The following VPS13C variants were observed in gnomAD, a reference collection of about 807,000 sequenced individuals.
VPS13C encodes the protein vacuolar protein sorting 13 homolog C.
A neutral mutation model predicts 456.8 loss-of-function variants in VPS13C; 358 were observed. The ratio of observed to expected loss-of-function variants is 0.78; its 90% CI spans 0.72 to 0.86. The LOEUF is 0.86. VPS13C is among the 40% of genes least tolerant of loss of function. VPS13C has a pLI of 0.00. For synonymous variants in VPS13C, 1,578 were observed against 1,486.7 expected (o/e 1.06, Z -1.41); for missense variants, 4,818 against 4,385.4 (o/e 1.10, Z -2.79).
Position 61,911,930 on chromosome 15 carries a change from T to C in VPS13C, c.8625A>G (p.Ala2875=), listed in dbSNP as rs144254856. 3.3e-5 allele frequency: 54 copies of C among 1,612,994 alleles called. No homozygotes were observed. The highest frequency in any genetic ancestry group is 1.7e-6 in the Non-Finnish European group (2 of 1,179,492). Residue 2875 remains alanine (A), a synonymous_variant, in exon 63 of 85, where the codon GCA becomes GCG. Coordinates refer to ENST00000644861, the MANE Select transcript of VPS13C (RefSeq NM_020821.3). The part of the protein sequence containing the change: ...IVTLTPFCTI[A]NKSSLELEVG... ...CTTCTAGTTCTAATGATGACTTGTTTGCAATGGTACAAAAGGGAGTCAGGG... is the reference window on the plus strand; with the variant it reads ...CTTCTAGTTCTAATGATGACTTGTTCGCAATGGTACAAAAGGGAGTCAGGG...
intron 40 of VPS13C, among the ~76,000 whole-genome samples, chr15:61,950,619 C>A (rs182070104): frequency 6.7e-6 from 1 of 149,336 alleles, no homozygotes; most frequent in Non-Finnish European, 1.5e-5. Context: ...CAAGCAAAAA[C>A]TCTAATTCCT....
At chr15:62,048,537 T>C (rs912206283) in intron 1 of VPS13C, among the ~76,000 whole-genome samples, 27 of 152,196 alleles carry the variant, frequency 1.8e-4, no homozygotes, top group Non-Finnish European at 3.4e-4. Context: ...AAGTCTTTGC[T>C]ATTGTGAATA....
intron 6 of VPS13C, among the ~76,000 whole-genome samples, chr15:62,026,910 C>T (rs1218075119): frequency 6.6e-6 from 1 of 152,104 alleles, no homozygotes; most frequent in Non-Finnish European, 1.5e-5. Flanking sequence ...CAGTCTGGTG[C>T]CACTGCCTTG....
chr15:61,885,756 C>CACA (rs1896217086), intron 67 of VPS13C, among the ~76,000 whole-genome samples: 1 of 152,034 alleles, frequency 6.6e-6, no homozygotes, highest in African/African-American at 2.4e-5. Context: ...CATATTTTTC[C>CACA]CATAATCAGT....
chr15:61,918,382 T>C (rs2043541552), intron 58 of VPS13C, 125 bp from the exon 59 acceptor site: 2 of 904,264 alleles, frequency 2.2e-6, no homozygotes, highest in African/African-American at 1.7e-5. Flanking sequence ...GATATTTTTA[T>C]TGGCAATTGA....
intron 16 of VPS13C, among the ~76,000 whole-genome samples, chr15:62,000,081 G>GCCAGC (rs778457139): frequency 1.6e-4 from 24 of 152,030 alleles, no homozygotes; most frequent in Non-Finnish European, 3.2e-4. Context: ...TTTCTAAGTG[G>GCCAGC]CCAGGCGCAG....
At chr15:61,994,267 T>C (rs2046309770) in intron 16 of VPS13C, among the ~76,000 whole-genome samples, 1 of 152,242 alleles carries the variant, frequency 6.6e-6, no homozygotes, top group Admixed American at 6.5e-5. Flanking sequence ...TTCTTCACTT[T>C]TTAAGCAACT....
chr15:61,899,688 G>T (rs1039512385), intron 66 of VPS13C, among the ~76,000 whole-genome samples: 5 of 150,852 alleles, frequency 3.3e-5, no homozygotes, highest in Non-Finnish European at 5.9e-5. Context: ...GAGGTACAAG[G>T]ACGAACTGGT....
chr15:61,953,261 T>A (rs2044866921), intron 38 of VPS13C, among the ~76,000 whole-genome samples: 1 of 151,992 alleles, frequency 6.6e-6, no homozygotes, highest in Non-Finnish European at 1.5e-5. Flanking sequence ...TATTATACTT[T>A]AAGTTTTAGG....
At chr15:61,903,273 C>T (rs550187885) in intron 66 of VPS13C, among the ~76,000 whole-genome samples, 33 of 151,730 alleles carry the variant, frequency 2.2e-4, no homozygotes, top group Non-Finnish European at 4.0e-4. Flanking sequence ...GAGGTTGAGG[C>T]TGGAGTGAAC....
intron 66 of VPS13C, among the ~76,000 whole-genome samples, chr15:61,897,364 G>A (rs2042857392): frequency 6.6e-6 from 1 of 152,204 alleles, no homozygotes; most frequent in East Asian, 1.9e-4. Flanking sequence ...AAAAAATTTA[G>A]AAGAATGTAT....
chr15:62,046,695 G>A (rs916323897), intron 1 of VPS13C, among the ~76,000 whole-genome samples: 1 of 152,182 alleles, frequency 6.6e-6, no homozygotes, highest in Non-Finnish European at 1.5e-5. Flanking sequence ...TATAACAATT[G>A]TTAAGGCACT....
intron 37 of VPS13C, among the ~76,000 whole-genome samples, chr15:61,957,555 T>C (rs2140308126): frequency 6.6e-6 from 1 of 152,216 alleles, no homozygotes; most frequent in South Asian, 2.1e-4. Context: ...ATATACTATG[T>C]TAGAAAGGTA....
intron 16 of VPS13C, among the ~76,000 whole-genome samples, chr15:61,997,072 G>T (rs1456023251): frequency 6.6e-6 from 1 of 151,138 alleles, no homozygotes; most frequent in Non-Finnish European, 1.5e-5. Context: ...AGAATAAAAA[G>T]AAATTGGTGC....
intron 37 of VPS13C, among the ~76,000 whole-genome samples, chr15:61,955,833 C>G (rs530887523): frequency 5.3e-5 from 8 of 152,054 alleles, no homozygotes; most frequent in African/African-American, 1.7e-4. Flanking sequence ...CAGATGTTGG[C>G]CAGGTTGTAG....
chr15:61,969,824 T>G (rs993249188), intron 27 of VPS13C, among the ~76,000 whole-genome samples: 1 of 152,198 alleles, frequency 6.6e-6, no homozygotes, highest in Admixed American at 6.6e-5. Context: ...CAAGATGTTC[T>G]CTATCATACT....
intron 81 of VPS13C, chr15:61,866,334 C>A: frequency 3.1e-6 from 3 of 983,374 alleles, no homozygotes. Context: ...TATGTTCAGA[C>A]AAAATAATTA....
chr15:61,961,109 C>T (rs1320898672), intron 35 of VPS13C, among the ~76,000 whole-genome samples: 45 of 151,510 alleles, frequency 3.0e-4, no homozygotes, highest in Non-Finnish European at 8.8e-5. Context: ...CTCTTCTGGG[C>T]CAGGCGCGGT....
At chr15:61,949,910 A>C (rs757509676) in intron 41 of VPS13C, among the ~76,000 whole-genome samples, 1 of 152,188 alleles carries the variant, frequency 6.6e-6, no homozygotes. Flanking sequence ...CAAGCTGATT[A>C]TGCATGTTCA....
Sources: gnomAD v4.1 joint callset for allele counts (sites outside exome capture counted in the v4.1 genomes callset) on GRCh38, gnomAD v4.1.1 for gene constraint, MANE v1.5 for transcripts, NCBI Gene and HGNC (gene_info 2026-07-23, HGNC 2026-07-21) for gene names.